The following SIN3B variants were observed in gnomAD, a reference collection of about 807,000 sequenced individuals.
SIN3B encodes SIN3 transcription regulator family member B.
Under a neutral mutation model 120.2 loss-of-function variants are expected in SIN3B, and 19 were observed. The ratio of observed to expected loss-of-function variants is 0.16; its 90% CI spans 0.11 to 0.23. The LOEUF is 0.23. Ranked by LOEUF, SIN3B falls within the 10% of genes least tolerant of loss-of-function variation. The pLI, the probability that SIN3B is intolerant of heterozygous loss-of-function variation, is 1.00. For missense variants in SIN3B, 1,073 were observed against 1,573.0 expected, an observed-to-expected ratio of 0.68 and a Z score of 5.38; for synonymous variants, 654 against 653.2, an observed-to-expected ratio of 1.00 and a Z score of -0.02.
intron 6 of SIN3B, among the ~76,000 whole-genome samples, 188 bp from the exon 7 acceptor site, chr19:16,852,881 G>A (rs1261762678): frequency 6.6e-6 from 1 of 152,148 alleles, no homozygotes; most frequent in East Asian, 1.9e-4. Flanking sequence ...GCAGTGGCAG[G>A]TATCCCCAGA....
chr19:16,862,116 G>A lies in SIN3B; in HGVS notation c.1059-236G>A, dbSNP rs1256557816. Among the ~76,000 whole-genome samples, 5 of 152,150 alleles carry A rather than the reference G, an allele frequency of 3.3e-5. No individual in the cohort carries two copies. The highest frequency in any genetic ancestry group is 7.3e-5 in the Non-Finnish European group (5 of 68,036). On this transcript the variant is annotated intron_variant, in intron 8 of 18. Coordinates refer to ENST00000248054, the MANE Select transcript of SIN3B (RefSeq NM_001297595.2). This position sits in a 1 kb window ranked among gnomAD's most constrained non-coding sequence, Gnocchi z 4.7. ...CCTTACTGTGAGTATGGGATTAATA[G>A]GCACAGGAAGGGACCTGGTGTGTGA...
At chr19:16,849,371 C>G (rs1470271120) in intron 5 of SIN3B, among the ~76,000 whole-genome samples, 1 of 152,178 alleles carries the variant, frequency 6.6e-6, no homozygotes, top group Non-Finnish European at 1.5e-5. Context: ...ATGTCAATGA[C>G]TGGACAGGGC....
At chr19:16,838,493 C>T (rs1014840361) in intron 3 of SIN3B, among the ~76,000 whole-genome samples, 33 of 152,130 alleles carry the variant, frequency 2.2e-4, no homozygotes, top group African/African-American at 7.2e-4. Flanking sequence ...TCATTCACAT[C>T]GGAGCCGGTA....
rs900682585 is a variant in SIN3B at position 16,864,227 on chromosome 19, G to C, written c.1383+431G>C. On this transcript the variant is annotated intron_variant, in intron 10 of 18. Transcript: ENST00000248054. ...TAGAATTGCTTGAGCCAGAGAGGCC[G>C]AGGCTGCAGTGAGCCGAGATCACAC... 2.6e-5 allele frequency among the ~76,000 whole-genome samples: 4 copies of C among 152,144 alleles called. No individual in the cohort carries two copies. In the South Asian group the frequency reaches 6.2e-4, roughly 24 times the overall value.
At chr19:16,853,561 T>TG (rs1378922051) in intron 7 of SIN3B, among the ~76,000 whole-genome samples, 1 of 151,922 alleles carries the variant, frequency 6.6e-6, no homozygotes, top group Admixed American at 6.6e-5. Context: ...AATTGCTGCA[T>TG]GGATCACGTG....
At chr19:16,850,203 A>G (rs1213778293) in intron 5 of SIN3B, among the ~76,000 whole-genome samples, 1 of 152,090 alleles carries the variant, frequency 6.6e-6, no homozygotes, top group Non-Finnish European at 1.5e-5. Flanking sequence ...TGTCTTTATT[A>G]TTATTATGGT....
At chr19:16,857,717 G>T (rs1971635826) in intron 8 of SIN3B, among the ~76,000 whole-genome samples, 1 of 152,000 alleles carries the variant, frequency 6.6e-6, no homozygotes, top group South Asian at 2.1e-4. Flanking sequence ...TCCAGTCCCT[G>T]CCCCTCACTG....
At chr19:16,865,364 C>G in intron 10 of SIN3B, 46 bp from the exon 11 acceptor site, 1 of 1,280,930 alleles carries the variant, frequency 7.8e-7, no homozygotes, top group Non-Finnish European at 1.1e-6. Flanking sequence ...TCTGAGGCCT[C>G]TTGAGTTCCC....
chr19:16,851,716 C>G lies in SIN3B; in HGVS notation c.849+182C>G, dbSNP rs144153060. Among the ~76,000 whole-genome samples, 1,095 of 152,310 alleles carry G rather than the reference C, an allele frequency of 7.2e-3. 12 individuals carry two copies. The highest frequency in any genetic ancestry group is 9.8e-3 in the Non-Finnish European group (665 of 68,024). On this transcript the variant is annotated intron_variant, in intron 6 of 18. Coordinates refer to ENST00000248054, the MANE Select transcript of SIN3B (RefSeq NM_001297595.2). ...CTCTCCTCTAAGGTGGCTGTTCTTC[C>G]GTTCTCCCTGTCCTGTGAGATTGTT...
In SIN3B at chr19:16,862,671, G is replaced by T; in HGVS notation, c.1266+112G>T. On this transcript the variant is annotated intron_variant, in intron 9 of 18. Transcript: ENST00000248054. This position sits in a 1 kb window ranked among gnomAD's most constrained non-coding sequence, Gnocchi z 4.7. ...GAAATGCTGTGTGCTCAGCCCTCCT[G>T]AATGTTGGGTTATGGGTGGTGCTGG... 8.2e-7 allele frequency: 1 copy of T among 1,215,624 alleles called. No individual in the cohort carries two copies. The allele number at this position is 1,215,624 out of a possible 1,614,324, so 75.3% of individuals were successfully genotyped here.
At position 16,870,056 on chromosome 19, in the gene SIN3B, G is replaced by C. The variant is rs1281453720; in HGVS notation, c.2403G>C (p.Glu801Asp). ...AGAAGGGCAGCGACCCCGCCATGGAGCTGCGGCTGAAGCAGCCCAGTAAGG... is the reference window on the plus strand; with the variant it reads ...AGAAGGGCAGCGACCCCGCCATGGACCTGCGGCTGAAGCAGCCCAGTAAGG... ...RREKGSDPAMELRLKQPSEVE... is the reference protein window; with the variant it reads ...RREKGSDPAMDLRLKQPSEVE... The change falls in exon 13 of 19, where the codon GAG becomes GAC. Residue 801 changes from glutamate to aspartate, a missense_variant. Coordinates refer to ENST00000248054, the MANE Select transcript of SIN3B (RefSeq NM_001297595.2). 6.2e-6 allele frequency: 10 copies of C among 1,603,964 alleles called. No individual in the cohort carries two copies. The highest frequency in any genetic ancestry group is 8.5e-6 in the Non-Finnish European group (10 of 1,174,936).
chr19:16,865,339 G>T, intron 10 of SIN3B, 71 bp from the exon 11 acceptor site: 2 of 945,190 alleles, frequency 2.1e-6, no homozygotes, highest in South Asian at 1.6e-5. Context: ...TGGTCTCTGA[G>T]GTCCCAGGCT....
rs1471370442 is a variant in SIN3B, at chr19:16,829,912, C to T, written c.227+15C>T. The T allele has an allele frequency of 3.8e-6, 6 of 1,584,858 alleles. No individual in the cohort carries two copies. Among genetic ancestry groups the T allele is most frequent in the Admixed American group, 1.7e-5 (1 of 59,916 alleles). On this transcript the variant is annotated intron_variant, in intron 2 of 18. Coordinates refer to ENST00000248054, the MANE Select transcript of SIN3B (RefSeq NM_001297595.2). ...AAAAGCCAGAGGTACCAGCGGGGCC[C>T]CTCTCCACCTCAGGGGACCCCCCTG...
intron 8 of SIN3B, among the ~76,000 whole-genome samples, chr19:16,857,259 T>G (rs924215170): frequency 1.3e-5 from 2 of 152,226 alleles, no homozygotes; most frequent in African/African-American, 4.8e-5. Flanking sequence ...TGAATCTGAC[T>G]GTTCCAAAAT....
At chr19:16,842,041 T>G in intron 4 of SIN3B, 73 bp downstream of exon 4, 1 of 1,236,140 alleles carries the variant, frequency 8.1e-7, no homozygotes, top group South Asian at 1.3e-5. Flanking sequence ...ATATTCAGAT[T>G]TTCTTGTCGG....
chr19:16,873,350 T>A (rs2051537265), intron 14 of SIN3B, among the ~76,000 whole-genome samples: 1 of 152,072 alleles, frequency 6.6e-6, no homozygotes, highest in Non-Finnish European at 1.5e-5. Context: ...CCCCCTCCAC[T>A]TTCCCTCCGT....
chr19:16,874,846 G>T (rs767946629), intron 14 of SIN3B, among the ~76,000 whole-genome samples: 1 of 151,832 alleles, frequency 6.6e-6, no homozygotes, highest in Non-Finnish European at 1.5e-5. Context: ...ATTTGATTTG[G>T]TCTGGTTTGG....
intron 8 of SIN3B, among the ~76,000 whole-genome samples, chr19:16,861,790 C>G (rs1301421314): frequency 1.3e-5 from 2 of 151,194 alleles, no homozygotes; most frequent in African/African-American, 2.4e-5. Flanking sequence ...AAAAATTTAG[C>G]CGGGTGTGGT....
At chr19:16,857,022 A>G (rs1255818153) in intron 8 of SIN3B, among the ~76,000 whole-genome samples, 1 of 152,214 alleles carries the variant, frequency 6.6e-6, no homozygotes, top group African/African-American at 2.4e-5. Context: ...TAACTTTGCC[A>G]TGAAGCATCT....
Sources: gnomAD v4.1 joint callset for allele counts (sites outside exome capture counted in the v4.1 genomes callset) on GRCh38, gnomAD v4.1.1 for gene constraint, Gnocchi (gnomAD v3.1) non-coding constraint, MANE v1.5 for transcripts, NCBI Gene and HGNC (gene_info 2026-07-23, HGNC 2026-07-21) for gene names.